Variants in CRY1 observed in about 807,000 individuals in gnomAD.
CRY1 encodes the protein cryptochrome circadian regulator 1.
In CRY1, 45 loss-of-function variants were observed where a neutral mutation model predicts 76.0. That is an observed-to-expected ratio of 0.59 (90% CI 0.47 to 0.76). The LOEUF is 0.76. Among genes scored for constraint, CRY1 ranks in the 30% least tolerant of loss-of-function variants. CRY1 has a pLI of 0.00. For synonymous variants in CRY1, 248 were observed against 244.0 expected (o/e 1.02, Z -0.15); for missense variants, 587 against 716.4 (o/e 0.82, Z 2.06).
chr12:107,055,277 A>G (rs148444446), intron 1 of CRY1, among the ~76,000 whole-genome samples: 151 of 152,280 alleles, frequency 9.9e-4, no homozygotes, highest in Non-Finnish European at 1.6e-3. Context: ...AATAAATATT[A>G]TAAGTAACAA....
intron 10 of CRY1, among the ~76,000 whole-genome samples, chr12:106,993,790 T>C (rs1311317541): frequency 6.6e-6 from 1 of 152,070 alleles, no homozygotes; most frequent in Non-Finnish European, 1.5e-5. Flanking sequence ...TTGTTTTAAT[T>C]TGCATTTCCC....
chr12:107,091,902 T>A (rs1028182273), intron 1 of CRY1, among the ~76,000 whole-genome samples: 1 of 152,248 alleles, frequency 6.6e-6, no homozygotes, highest in Non-Finnish European at 1.5e-5. Context: ...CCGATCATAC[T>A]TAAAATTGCA....
intron 1 of CRY1, among the ~76,000 whole-genome samples, chr12:107,023,782 G>A (rs1040599547): frequency 5.9e-5 from 9 of 152,060 alleles, no homozygotes; most frequent in African/African-American, 2.2e-4. Flanking sequence ...TTTCTGCCTT[G>A]GTTTGGAGTC....
chr12:107,076,415 A>G (rs1953252664), intron 1 of CRY1, among the ~76,000 whole-genome samples: 1 of 151,954 alleles, frequency 6.6e-6, no homozygotes, highest in African/African-American at 2.4e-5. Context: ...GTTCAAGACT[A>G]GCCTGGCCAA....
At chr12:107,047,510 T>C (rs1214848441) in intron 1 of CRY1, among the ~76,000 whole-genome samples, 1 of 152,140 alleles carries the variant, frequency 6.6e-6, no homozygotes, top group African/African-American at 2.4e-5. Context: ...GGAAGGTAAT[T>C]GAATCATGGA....
At chr12:107,082,434 A>AAT (rs1953338683) in intron 1 of CRY1, among the ~76,000 whole-genome samples, 2 of 152,058 alleles carry the variant, frequency 1.3e-5, no homozygotes, top group African/African-American at 4.8e-5. Context: ...AAAATTGACC[A>AAT]ATAATTGGAA....
chr12:107,093,156 A>C lies in CRY1; in HGVS notation c.-195T>G. 6.0e-5 allele frequency: 37 copies of C among 617,792 alleles called. No homozygotes were observed. Among genetic ancestry groups the C allele is most frequent in the Non-Finnish European group, 7.3e-5 (28 of 383,524 alleles). 38.3% of individuals were successfully genotyped at this position (617,792 alleles called of 1,614,324 possible). A position where few individuals can be genotyped will look rare whatever the true frequency, so the allele number is the denominator to read the frequency against. On this transcript the variant is annotated 5_prime_UTR_variant, in exon 1 of 13. Transcript: ENST00000008527. ...CGCCGGAGGCGCAGTGGAAAGATGA[A>C]TGGAGGTTGCCTAGTCGGCGGAGTC...
At chr12:107,058,425 T>G (rs1184824242) in intron 1 of CRY1, among the ~76,000 whole-genome samples, 1 of 151,806 alleles carries the variant, frequency 6.6e-6, no homozygotes, top group Non-Finnish European at 1.5e-5. Flanking sequence ...TGAGCTCAAG[T>G]TGAGAAAATA....
In CRY1 at chr12:107,000,084, T is replaced by G; in HGVS notation, c.685-2A>C. On this transcript the variant is annotated splice_acceptor_variant, in intron 5 of 12. Coordinates refer to ENST00000008527, the MANE Select transcript of CRY1 (RefSeq NM_004075.5). LOFTEE classifies it high-confidence loss of function. Reference sequence around the variant, plus strand: ...TCTTTCAAAATTTGCCACCCAAGCCTGAAAACACACAGAGAAAATTATATT... The same window carrying G: ...TCTTTCAAAATTTGCCACCCAAGCCGGAAAACACACAGAGAAAATTATATT... 6.3e-7 allele frequency: 1 copy of G among 1,590,860 alleles called. No homozygotes were observed. The highest frequency in any genetic ancestry group is 1.7e-4 in the Middle Eastern group (1 of 5,962).
chr12:107,014,919 G>A lies in CRY1; in HGVS notation c.267+7165C>T, dbSNP rs532019409. ...TTTAGACAGAGTCACACTCTGTTGC[G>A]CAGGCTAGAGCACAGTAGTGCAATC... On this transcript the variant is annotated intron_variant, in intron 2 of 12. Transcript: ENST00000008527. Among the ~76,000 whole-genome samples, 20 of 151,948 alleles carry A rather than the reference G, an allele frequency of 1.3e-4. No homozygotes were observed. The East Asian group carries it at 1.9e-3, about 15-fold the overall frequency.
intron 1 of CRY1, among the ~76,000 whole-genome samples, chr12:107,028,440 A>T (rs1952639277): frequency 6.6e-6 from 1 of 152,122 alleles, no homozygotes; most frequent in Non-Finnish European, 1.5e-5. Flanking sequence ...CATTTGCCAC[A>T]CTCTAAAAGC....
chr12:107,090,706 TTGGA>T (rs1478074174), intron 1 of CRY1, among the ~76,000 whole-genome samples: 1 of 152,212 alleles, frequency 6.6e-6, no homozygotes, highest in East Asian at 1.9e-4. Context: ...CAATAAATGG[TTGGA>T]TGAATAAATG....
intron 1 of CRY1, among the ~76,000 whole-genome samples, chr12:107,085,779 G>A (rs149733165): frequency 3.3e-5 from 5 of 151,956 alleles, no homozygotes; most frequent in African/African-American, 9.7e-5. Context: ...GTATACCTAC[G>A]TAACAAACCT....
chr12:107,002,397 G>T (rs1952322603), intron 3 of CRY1, among the ~76,000 whole-genome samples: 1 of 152,026 alleles, frequency 6.6e-6, no homozygotes, highest in African/African-American at 2.4e-5. Flanking sequence ...GTCTCATTTA[G>T]GAAAAATAAA....
intron 4 of CRY1, 30 bp downstream of exon 4, chr12:107,001,734 A>C (rs1952314078): frequency 6.8e-7 from 1 of 1,477,278 alleles, no homozygotes; most frequent in East Asian, 2.5e-5. Flanking sequence ...TTAACTTGCA[A>C]GCCTCACACT....
At chr12:107,079,091 T>A (rs1953291988) in intron 1 of CRY1, among the ~76,000 whole-genome samples, 1 of 151,988 alleles carries the variant, frequency 6.6e-6, no homozygotes, top group African/African-American at 2.4e-5. Context: ...TCTGAGTTCT[T>A]ATATAATAGG....
intron 1 of CRY1, among the ~76,000 whole-genome samples, chr12:107,073,572 C>CA (rs1427262612): frequency 2.0e-5 from 3 of 151,734 alleles, no homozygotes; most frequent in Admixed American, 1.3e-4. Flanking sequence ...ACTAAAAACA[C>CA]AAAAAAATTA....
chr12:107,060,867 A>G (rs1953038264), intron 1 of CRY1, among the ~76,000 whole-genome samples: 1 of 152,030 alleles, frequency 6.6e-6, no homozygotes, highest in Non-Finnish European at 1.5e-5. Flanking sequence ...AGTCCCAGCT[A>G]CTCGGGAGGG....
intron 1 of CRY1, among the ~76,000 whole-genome samples, chr12:107,081,217 G>A (rs963193664): frequency 9.9e-5 from 15 of 152,024 alleles, no homozygotes; most frequent in African/African-American, 3.6e-4. Context: ...ACATGTTGAA[G>A]TTTAAATTCT....
Sources: gnomAD v4.1 joint callset for allele counts (sites outside exome capture counted in the v4.1 genomes callset) on GRCh38, gnomAD v4.1.1 for gene constraint, MANE v1.5 for transcripts, NCBI Gene and HGNC (gene_info 2026-07-23, HGNC 2026-07-21) for gene names.